The following SRRM3 variants were observed in gnomAD, a reference collection of about 807,000 sequenced individuals.
The protein encoded by SRRM3 is serine/arginine repetitive matrix 3.
SRRM3 carries 27 observed loss-of-function variants against 66.2 expected under a neutral mutation model. The observed-to-expected ratio is 0.41, with a 90% CI of 0.30 to 0.56. The LOEUF is 0.56. Ranked by LOEUF, SRRM3 falls within the 20% of genes least tolerant of loss-of-function variation. The pLI is 0.32. For synonymous variants in SRRM3, 391 were observed against 414.9 expected, an observed-to-expected ratio of 0.94 and a Z score of 0.70; for missense variants, 918 against 991.9, an observed-to-expected ratio of 0.93 and a Z score of 1.00.
intron 10 of SRRM3, among the ~76,000 whole-genome samples, chr7:76,265,824 ATATT>A (rs1320645706): frequency 4.1e-5 from 2 of 49,076 alleles, no homozygotes; most frequent in African/African-American, 2.6e-4. Context: ...TATTTAATAA[ATATT>A]TATATATATA....
Position 76,281,610 on chromosome 7 carries a change from G to A in SRRM3, c.1178G>A (p.Arg393Gln), listed in dbSNP as rs1554611910. ...AGGCGGCGGCGGCGGCGGCGTAGGC[G>A]GCGGCGCTCGCGGTCCTCGGCGTCC... is the stretch of plus-strand genomic sequence containing the variant. Reference protein sequence around the residue: ...AGRRRRRRRRRRRSRSSASAP... With the variant: ...AGRRRRRRRRQRRSRSSASAP... Residue 393 changes from arginine (R) to glutamine (Q), a missense_variant, in exon 12 of 15, where the codon CGG becomes CAG. Transcript: ENST00000611745. 1.0e-6 allele frequency: 1 copy of A among 976,644 alleles called. No individual in the cohort carries two copies. The highest frequency in any genetic ancestry group is 1.2e-4 in the East Asian group (1 of 8,650). The allele number at this position is 976,644 out of a possible 1,614,324, so 60.5% of individuals were successfully genotyped here. A position where few individuals can be genotyped will look rare whatever the true frequency, so the allele number is the denominator to read the frequency against.
intron 2 of SRRM3, among the ~76,000 whole-genome samples, chr7:76,244,904 T>C (rs1801399984): frequency 6.6e-6 from 1 of 152,264 alleles, no homozygotes. Flanking sequence ...GATGCCACAA[T>C]GTGGCAGGCA....
At position 76,232,129 on chromosome 7, in the gene SRRM3, T is replaced by C. The variant is rs544746484; in HGVS notation, c.-39-2899T>C. Among the ~76,000 whole-genome samples, 10 of 152,312 alleles carry C rather than the reference T, an allele frequency of 6.6e-5. No homozygotes were observed. In the East Asian group the frequency reaches 9.6e-4, roughly 15 times the overall value. On this transcript the variant is annotated intron_variant, in intron 1 of 14. Transcript: ENST00000611745. ...ACGTCTTTGTTCAGCCCCGGGCGCA[T>C]TGAGCTTCACATGCACTAGGCGCTT...
At chr7:76,211,152 T>C (rs572140304) in intron 1 of SRRM3, among the ~76,000 whole-genome samples, 1 of 152,306 alleles carries the variant, frequency 6.6e-6, no homozygotes, top group South Asian at 2.1e-4. Context: ...TGTAGCAGCA[T>C]TCCAAGGGCT....
intron 1 of SRRM3, among the ~76,000 whole-genome samples, chr7:76,224,787 A>G (rs1170379193): frequency 1.3e-5 from 2 of 152,182 alleles, no homozygotes; most frequent in Admixed American, 6.5e-5. Flanking sequence ...CCGATCAGCT[A>G]GGGAGACTCA....
intron 1 of SRRM3, among the ~76,000 whole-genome samples, chr7:76,221,498 G>A (rs1047222547): frequency 7.9e-5 from 12 of 151,698 alleles, no homozygotes; most frequent in Non-Finnish European, 1.5e-4. Flanking sequence ...TACTAGCTGG[G>A]ACTACAGGCG....
At chr7:76,216,440 G>A (rs1554602599) in intron 1 of SRRM3, among the ~76,000 whole-genome samples, 1 of 152,212 alleles carries the variant, frequency 6.6e-6, no homozygotes, top group Admixed American at 6.5e-5. Flanking sequence ...CCTGGACAGG[G>A]AGCCTGCAGT....
intron 10 of SRRM3, 143 bp downstream of exon 10, chr7:76,265,611 G>C: frequency 1.6e-6 from 1 of 637,346 alleles, no homozygotes; most frequent in Non-Finnish European, 2.5e-6. Context: ...AGCCAGGTGT[G>C]GTGGCTCACT....
Position 76,239,545 on chromosome 7 carries a change from T to A in SRRM3, c.233+4246T>A, listed in dbSNP as rs559414170. 4.7e-3 allele frequency among the ~76,000 whole-genome samples: 713 copies of A among 151,614 alleles called. 2 individuals are homozygous for A. Among genetic ancestry groups the A allele is most frequent in the Non-Finnish European group, 6.3e-3 (430 of 67,892 alleles). ...CTGCCAATCCACCTACAAAAAAAAATTTTTTTAACTAGCCAGGTGTGGTGG... is the reference window on the plus strand; with the variant it reads ...CTGCCAATCCACCTACAAAAAAAAAATTTTTTAACTAGCCAGGTGTGGTGG... On this transcript the variant is annotated intron_variant, in intron 2 of 14. Coordinates refer to ENST00000611745, the MANE Select transcript of SRRM3 (RefSeq NM_001110199.3).
At chr7:76,220,725 G>T (rs1473378805) in intron 1 of SRRM3, among the ~76,000 whole-genome samples, 1 of 152,334 alleles carries the variant, frequency 6.6e-6, no homozygotes, top group South Asian at 2.1e-4. Flanking sequence ...GAGCTGCAGT[G>T]CCCGCACCCT....
At position 76,277,744 on chromosome 7, in the gene SRRM3, G is replaced by A. The variant is rs148562632; in HGVS notation, c.1009-3697G>A. Among the ~76,000 whole-genome samples the A allele has an allele frequency of 4.1e-3, 353 of 85,066 alleles. 2 individuals are homozygous for A. Among genetic ancestry groups the A allele is most frequent in the Middle Eastern group, 0.028 (5 of 176 alleles). The allele number at this position is 85,066 out of a possible 152,430, so 55.8% of individuals were successfully genotyped here. A position where few individuals can be genotyped will look rare whatever the true frequency, so the allele number is the denominator to read the frequency against. On this transcript the variant is annotated intron_variant, in intron 11 of 14. Coordinates refer to ENST00000611745, the MANE Select transcript of SRRM3 (RefSeq NM_001110199.3). ...AAAAAAAAAAAAAAAAAGAGAGAGA[G>A]AGAAAGAAAGAAAAGAAAAAGAAGA...
chr7:76,215,948 C>A (rs1231609639), intron 1 of SRRM3, among the ~76,000 whole-genome samples: 1 of 151,434 alleles, frequency 6.6e-6, no homozygotes, highest in African/African-American at 2.4e-5. Flanking sequence ...CAGGTGCCCA[C>A]CACCACGCCC....
chr7:76,253,020 CG>C (rs1801619988), intron 3 of SRRM3, among the ~76,000 whole-genome samples: 1 of 150,324 alleles, frequency 6.7e-6, no homozygotes, highest in Non-Finnish European at 1.5e-5. Context: ...AATAGTTAGC[CG>C]GGCATGGTGG....
rs1554604716 is a variant in SRRM3 at position 76,235,264 on chromosome 7, G to A, written c.198G>A (p.Lys66=). The A allele has an allele frequency of 6.5e-7, 1 of 1,539,042 alleles. No homozygotes were observed. The highest frequency in any genetic ancestry group is 1.2e-5 in the South Asian group (1 of 84,132). The change falls in exon 2 of 15, where the codon AAG becomes AAA. Residue 66 remains lysine, a synonymous_variant. Transcript: ENST00000611745. ...AGCGCAAGCGGCGGGTGGAGCTCAAGTGCATGGAGCTGCAGGAGATGATGG... is the reference window on the plus strand; with the variant it reads ...AGCGCAAGCGGCGGGTGGAGCTCAAATGCATGGAGCTGCAGGAGATGATGG... ...DHERKRRVEL[K]CMELQEMMEE...
intron 1 of SRRM3, among the ~76,000 whole-genome samples, chr7:76,221,135 G>A (rs1207861229): frequency 3.4e-5 from 5 of 147,858 alleles, no homozygotes; most frequent in Non-Finnish European, 7.4e-5. Context: ...TCAGTTCACC[G>A]CAACCTCCGC....
At chr7:76,215,709 C>T (rs1165739201) in intron 1 of SRRM3, among the ~76,000 whole-genome samples, 2 of 147,738 alleles carry the variant, frequency 1.4e-5, no homozygotes, top group African/African-American at 2.5e-5. Context: ...CTCACTGCAA[C>T]CTCTGCCTCC....
rs1266178481 is a variant in SRRM3 at position 76,268,499 on chromosome 7, C to A, written c.1008+1064C>A. The A allele has an allele frequency of 2.6e-5, 4 of 152,334 alleles. No individual in the cohort carries two copies. In the East Asian group the frequency reaches 7.7e-4, roughly 29 times the overall value. The allele number at this position is 152,334 out of a possible 1,614,324, so 9.4% of individuals were successfully genotyped here. Reference sequence around the variant, plus strand: ...AGCTGGGAGTGGGAGAGCTGCCCCTCCCCAGACCTCAGGTCTCAGCAGCAA... The same window carrying A: ...AGCTGGGAGTGGGAGAGCTGCCCCTACCCAGACCTCAGGTCTCAGCAGCAA... On this transcript the variant is annotated intron_variant, in intron 11 of 14. Coordinates refer to ENST00000611745, the MANE Select transcript of SRRM3 (RefSeq NM_001110199.3).
chr7:76,256,287 A>G (rs1419561419), intron 3 of SRRM3, among the ~76,000 whole-genome samples: 1 of 152,132 alleles, frequency 6.6e-6, no homozygotes, highest in African/African-American at 2.4e-5. Context: ...CAGGTAGATC[A>G]CCTGAGGTCA....
chr7:76,249,942 A>G (rs747017015), intron 3 of SRRM3, among the ~76,000 whole-genome samples: 37 of 152,098 alleles, frequency 2.4e-4, no homozygotes, highest in Non-Finnish European at 5.0e-4. Context: ...TTAAACAAAA[A>G]TGGAGTTAAT....
Sources: gnomAD v4.1 joint callset for allele counts (sites outside exome capture counted in the v4.1 genomes callset) on GRCh38, gnomAD v4.1.1 for gene constraint, MANE v1.5 for transcripts, NCBI Gene and HGNC (gene_info 2026-07-23, HGNC 2026-07-21) for gene names.